IL17RD: variants seen among roughly 807,000 people sequenced by gnomAD.
IL17RD encodes the protein interleukin-17 receptor D.
In IL17RD, 52 loss-of-function variants were observed where a neutral mutation model predicts 80.5. The ratio of observed to expected loss-of-function variants is 0.65; its 90% CI spans 0.52 to 0.81. IL17RD has a LOEUF of 0.81. Ranked by LOEUF, IL17RD falls within the 40% of genes least tolerant of loss-of-function variation. The probability of loss-of-function intolerance (pLI) is 0.00; values close to 1 mark genes in which losing one functional copy is unlikely to be tolerated. For synonymous variants in IL17RD, 416 were observed against 391.8 expected (o/e 1.06, Z -0.73); for missense variants, 1,024 against 955.1 (o/e 1.07, Z -0.95).
intron 1 of IL17RD, among the ~76,000 whole-genome samples, chr3:57,128,230 A>G (rs1270247798): frequency 6.6e-6 from 1 of 152,160 alleles, no homozygotes; most frequent in Non-Finnish European, 1.5e-5. Flanking sequence ...AGCAATTACC[A>G]CATTGGCCCA....
At chr3:57,100,313 G>C (rs1397240789) in intron 11 of IL17RD, among the ~76,000 whole-genome samples, 1 of 152,212 alleles carries the variant, frequency 6.6e-6, no homozygotes, top group Non-Finnish European at 1.5e-5. Flanking sequence ...ACCACATGGA[G>C]AGATTCTGAA....
chr3:57,097,745 C>T lies in IL17RD; in HGVS notation c.1958G>A (p.Gly653Asp). The change falls in exon 12 of 13, where the codon GGC becomes GAC. Residue 653 changes from glycine (G) to aspartate (D), a missense_variant. Coordinates refer to ENST00000296318, the MANE Select transcript of IL17RD (RefSeq NM_017563.5). The stretch of plus-strand genomic sequence containing the variant: ...GTCCCGCGGCATGTCCGAGGGGCTG[C>T]CGGCTTTCACCGTGTGCAGCAGGGG... ...LQPLLHTVKA[G>D]SPSDMPRDSG... The T allele has an allele frequency of 6.2e-7, 1 of 1,601,224 alleles. No individual in the cohort carries two copies. The highest frequency in any genetic ancestry group is 1.1e-5 in the South Asian group (1 of 89,050).
intron 1 of IL17RD, among the ~76,000 whole-genome samples, chr3:57,122,542 C>T (rs143976772): frequency 6.6e-6 from 1 of 152,154 alleles, no homozygotes. Context: ...ACTGTGCATA[C>T]GAGGGATCTA....
At chr3:57,130,412 A>G (rs1707581143) in intron 1 of IL17RD, among the ~76,000 whole-genome samples, 2 of 152,200 alleles carry the variant, frequency 1.3e-5, no homozygotes, top group Non-Finnish European at 2.9e-5. Flanking sequence ...CACATATACC[A>G]TAACCACCCT....
At position 57,141,945 on chromosome 3, in the gene IL17RD, A is replaced by G. The variant is rs17057756; in HGVS notation, c.127-21632T>C. The stretch of plus-strand genomic sequence containing the variant: ...CACGGTTTTCACCAGAGGGCACTGC[A>G]TGGTAGAGGAAGCAGAACAGAGGAA... On this transcript the variant is annotated intron_variant, in intron 1 of 12. Coordinates refer to ENST00000296318, the MANE Select transcript of IL17RD (RefSeq NM_017563.5). Among the ~76,000 whole-genome samples, 1,502 of 152,300 alleles carry G rather than the reference A, an allele frequency of 9.9e-3. 28 individuals carry two copies. The highest frequency in any genetic ancestry group is 0.035 in the African/African-American group (1,435 of 41,552).
At position 57,097,439 on chromosome 3, in the gene IL17RD, T is replaced by C. The variant is rs1229365880; in HGVS notation, c.2107+157A>G. ...CAACTCAAACATGTGAGTACTCCCA[T>C]CACCTGGTATAAATCAAGACTACCA... is the stretch of plus-strand genomic sequence containing the variant. On this transcript the variant is annotated intron_variant, in intron 12 of 12. Transcript: ENST00000296318. 8 of 638,170 alleles carry C rather than the reference T, an allele frequency of 1.3e-5. No individual in the cohort carries two copies. The Admixed American group carries it at 2.1e-4, about 17-fold the overall frequency. 39.5% of individuals were successfully genotyped at this position (638,170 alleles called of 1,614,324 possible).
chr3:57,114,921 C>A, intron 2 of IL17RD, 104 bp from the exon 3 acceptor site: 1 of 923,286 alleles, frequency 1.1e-6, no homozygotes, highest in South Asian at 2.2e-5. Flanking sequence ...TGGCCAAATC[C>A]ATTCTGTTAA....
Position 57,098,372 on chromosome 3 carries a change from G to A in IL17RD, c.1331C>T (p.Ser444Leu), listed in dbSNP as rs201447375. ...NYKHKGGGRG[S>L]GKGELFLVAV... The stretch of plus-strand genomic sequence containing the variant: ...CACCAGGAAGAGCTCTCCTTTCCCC[G>A]AGCCTCGGCCACCTCCTTTGTGTTT... Residue 444 changes from serine (S) to leucine (L), a missense_variant, in exon 12 of 13, where the codon TCG (serine) becomes TTG (leucine). By Grantham distance (145) the Ser-to-Leu change is moderately radical. Transcript: ENST00000296318. The A allele has an allele frequency of 3.4e-5, 55 of 1,614,002 alleles. No individual in the cohort carries two copies. In the African/African-American group the frequency reaches 4.4e-4, roughly 13 times the overall value.
At chr3:57,102,651 A>G in intron 9 of IL17RD, 62 bp from the exon 10 acceptor site, 1 of 816,316 alleles carries the variant, frequency 1.2e-6, no homozygotes. Context: ...AAGAGAAACA[A>G]CTTTTTTTCT....
At chr3:57,162,522 A>T (rs888645532) in intron 1 of IL17RD, among the ~76,000 whole-genome samples, 1 of 152,194 alleles carries the variant, frequency 6.6e-6, no homozygotes, top group Non-Finnish European at 1.5e-5. Context: ...TCCCTGACAG[A>T]GCAACTTCTA....
intron 3 of IL17RD, among the ~76,000 whole-genome samples, chr3:57,112,836 C>T (rs560793740): frequency 1.1e-4 from 17 of 152,290 alleles, no homozygotes; most frequent in African/African-American, 3.8e-4. Flanking sequence ...TCTCCCTTGG[C>T]CAGGTTTTCA....
In IL17RD at chr3:57,127,285, A is replaced by AT. The variant is rs1559476914; in HGVS notation, c.127-6973_127-6972insA. Among the ~76,000 whole-genome samples, 35 of 88,008 alleles carry AT rather than the reference A, an allele frequency of 4.0e-4. 2 individuals carry two copies. Among genetic ancestry groups the AT allele is most frequent in the African/African-American group, 2.4e-3 (35 of 14,560 alleles). The allele number at this position is 88,008 out of a possible 152,430, so 57.7% of individuals were successfully genotyped here. A position where few individuals can be genotyped will look rare whatever the true frequency, so the allele number is the denominator to read the frequency against. ...ATAAATATATATAAAAATATATATA[A>AT]ATATATATAAATATATATAAAAATA... On this transcript the variant is annotated intron_variant, in intron 1 of 12. Coordinates refer to ENST00000296318, the MANE Select transcript of IL17RD (RefSeq NM_017563.5).
At chr3:57,131,607 C>T (rs1266202308) in intron 1 of IL17RD, among the ~76,000 whole-genome samples, 1 of 152,212 alleles carries the variant, frequency 6.6e-6, no homozygotes, top group Non-Finnish European at 1.5e-5. Flanking sequence ...TGCTATACAG[C>T]TGCAATCCTA....
rs150202482 is a variant in IL17RD, at chr3:57,098,667, T to C, written c.1165-129A>G. ...CCCTTAACCCTTATTAGCACAGCTA[T>C]GTGCAGGCTCCAGGTTACACCATAC... On this transcript the variant is annotated intron_variant, in intron 11 of 12. Coordinates refer to ENST00000296318, the MANE Select transcript of IL17RD (RefSeq NM_017563.5). 4.1e-3 allele frequency: 2,777 copies of C among 671,244 alleles called. 101 individuals are homozygous for C. In the Admixed American group the frequency reaches 0.059, roughly 14 times the overall value. The allele number at this position is 671,244 out of a possible 1,614,324, so 41.6% of individuals were successfully genotyped here. A position where few individuals can be genotyped will look rare whatever the true frequency, so the allele number is the denominator to read the frequency against.
In IL17RD at chr3:57,097,990, T is replaced by C; in HGVS notation, c.1713A>G (p.Pro571=). The change falls in exon 12 of 13, where the codon CCA becomes CCG. Residue 571 remains proline (P), a synonymous_variant. Transcript: ENST00000296318. ...CCAAGACTGGCTCCCGGTAGCGCAG[T>C]GGAGGAGGATGGAAGGGAACGAACT... ...EKQFVPFHPP[P]LRYREPVLEK... 1 of 1,613,960 alleles carries C rather than the reference T, an allele frequency of 6.2e-7. No individual in the cohort carries two copies. Among genetic ancestry groups the C allele is most frequent in the Non-Finnish European group, 8.5e-7 (1 of 1,179,872 alleles).
intron 1 of IL17RD, among the ~76,000 whole-genome samples, chr3:57,158,987 T>C (rs912444661): frequency 1.3e-5 from 2 of 152,212 alleles, no homozygotes; most frequent in African/African-American, 4.8e-5. Flanking sequence ...TGGTTTTCTA[T>C]GAACAGACAA....
intron 1 of IL17RD, among the ~76,000 whole-genome samples, chr3:57,143,211 G>A (rs751464816): frequency 4.6e-5 from 7 of 152,270 alleles, no homozygotes; most frequent in African/African-American, 9.6e-5. Flanking sequence ...GTTTAACTCC[G>A]CTGTCAGCCA....
At chr3:57,153,175 T>A (rs2060240683) in intron 1 of IL17RD, among the ~76,000 whole-genome samples, 1 of 152,236 alleles carries the variant, frequency 6.6e-6, no homozygotes, top group Admixed American at 6.5e-5. Flanking sequence ...AAGGGAAGGC[T>A]TAATGTGAAA....
intron 1 of IL17RD, among the ~76,000 whole-genome samples, chr3:57,160,928 T>A (rs576093465): frequency 7.2e-5 from 11 of 152,258 alleles, no homozygotes; most frequent in African/African-American, 2.6e-4. Flanking sequence ...GGGTGTCACT[T>A]GGAGAAAAAG....
Sources: gnomAD v4.1 joint callset for allele counts (sites outside exome capture counted in the v4.1 genomes callset) on GRCh38, gnomAD v4.1.1 for gene constraint, MANE v1.5 for transcripts, NCBI Gene and HGNC (gene_info 2026-07-23, HGNC 2026-07-21) for gene names.